The following ULK4 variants were observed in gnomAD, a reference collection of about 807,000 sequenced individuals.
ULK4 encodes the protein inactive serine/threonine-protein kinase ULK4.
A neutral mutation model predicts 160.6 loss-of-function variants in ULK4; 133 were observed. That is an observed-to-expected ratio of 0.83 (90% CI 0.72 to 0.96). The LOEUF (loss-of-function observed/expected upper bound fraction) is 0.96, where lower values mean the gene tolerates loss of function less well. Among genes scored for constraint, ULK4 ranks in the 40% least tolerant of loss-of-function variants. The pLI, the probability that ULK4 is intolerant of heterozygous loss-of-function variation, is 0.00. For missense variants in ULK4, 1,580 were observed against 1,499.5 expected (o/e 1.05, Z -0.89); for synonymous variants, 534 against 539.8 (o/e 0.99, Z 0.15).
chr3:41,913,416 G>A (rs542552058), intron 8 of ULK4, among the ~76,000 whole-genome samples: 3 of 152,046 alleles, frequency 2.0e-5, no homozygotes, highest in Non-Finnish European at 2.9e-5. Flanking sequence ...TAGTAGAGAC[G>A]GGATTTCACC....
chr3:41,623,263 T>C (rs1204341811), intron 30 of ULK4, among the ~76,000 whole-genome samples: 1 of 152,080 alleles, frequency 6.6e-6, no homozygotes, highest in Non-Finnish European at 1.5e-5. Context: ...TTGTCTATGA[T>C]AACACACTGA....
chr3:41,635,352 T>C (rs1421779855), intron 30 of ULK4, among the ~76,000 whole-genome samples: 1 of 152,164 alleles, frequency 6.6e-6, no homozygotes, highest in Non-Finnish European at 1.5e-5. Flanking sequence ...TGTGTTTGTG[T>C]GTGTACTTAA....
chr3:41,826,456 G>A (rs1045453201), intron 18 of ULK4, among the ~76,000 whole-genome samples: 1 of 151,838 alleles, frequency 6.6e-6, no homozygotes. Flanking sequence ...ATAAAGGGAT[G>A]GAGGAAGATC....
intron 35 of ULK4, among the ~76,000 whole-genome samples, chr3:41,328,892 CTTTA>C (rs988772670): frequency 3.3e-5 from 5 of 152,140 alleles, no homozygotes; most frequent in African/African-American, 9.7e-5. Context: ...TTCCTTATTC[CTTTA>C]TTTGATTTTT....
chr3:41,693,340 T>A (rs2036374787), intron 27 of ULK4, among the ~76,000 whole-genome samples: 1 of 152,162 alleles, frequency 6.6e-6, no homozygotes. Flanking sequence ...AACCAGTAAA[T>A]CGCAATTTAC....
chr3:41,672,186 T>C (rs2035564327), intron 29 of ULK4, among the ~76,000 whole-genome samples: 1 of 152,116 alleles, frequency 6.6e-6, no homozygotes, highest in African/African-American at 2.4e-5. Flanking sequence ...AAAATAGAAC[T>C]ACCACATGAT....
intron 4 of ULK4, among the ~76,000 whole-genome samples, chr3:41,932,558 G>C (rs1005130799): frequency 2.0e-5 from 3 of 152,208 alleles, no homozygotes; most frequent in Non-Finnish European, 4.4e-5. Context: ...ATTAATCGAA[G>C]TTATGCAAGT....
intron 32 of ULK4, among the ~76,000 whole-genome samples, chr3:41,491,935 T>C (rs1275646821): frequency 7.2e-6 from 1 of 139,276 alleles, no homozygotes. Context: ...CCTGTGTCCA[T>C]GTGTTCTCAT....
intron 32 of ULK4, among the ~76,000 whole-genome samples, chr3:41,553,448 C>A (rs191817942): frequency 6.6e-6 from 1 of 152,028 alleles, no homozygotes; most frequent in Non-Finnish European, 1.5e-5. Context: ...ATAGACACTT[C>A]TCAAAAGAAG....
intron 27 of ULK4, among the ~76,000 whole-genome samples, chr3:41,702,860 G>GT (rs568730846): frequency 0.012 from 1,636 of 140,050 alleles, 30 homozygotes; most frequent in African/African-American, 0.024. Flanking sequence ...TTTTGGTTTT[G>GT]TTTTTTTTTT....
chr3:41,754,948 A>G (rs1489990307), intron 21 of ULK4, among the ~76,000 whole-genome samples: 1 of 152,220 alleles, frequency 6.6e-6, no homozygotes, highest in Non-Finnish European at 1.5e-5. Flanking sequence ...CTTAACAGAT[A>G]TAAAGACAAT....
intron 31 of ULK4, among the ~76,000 whole-genome samples, chr3:41,567,248 T>C (rs958012205): frequency 6.6e-6 from 1 of 152,000 alleles, no homozygotes; most frequent in Admixed American, 6.6e-5. Context: ...CAAAGTCCCC[T>C]ATCCTCACAT....
At chr3:41,428,048 C>T (rs1314444701) in intron 34 of ULK4, among the ~76,000 whole-genome samples, 1 of 152,146 alleles carries the variant, frequency 6.6e-6, no homozygotes, top group Non-Finnish European at 1.5e-5. Context: ...AAAGTTTAAG[C>T]TGATAAGCAA....
intron 12 of ULK4, among the ~76,000 whole-genome samples, chr3:41,904,440 A>G (rs1698481349): frequency 1.3e-5 from 2 of 151,068 alleles, no homozygotes; most frequent in African/African-American, 2.4e-5. Flanking sequence ...AAAAATAAAT[A>G]AATAAATAAA....
intron 35 of ULK4, among the ~76,000 whole-genome samples, chr3:41,315,003 T>C (rs959891683): frequency 6.6e-5 from 10 of 152,200 alleles, no homozygotes; most frequent in African/African-American, 2.4e-4. Flanking sequence ...AACCAAGACA[T>C]TTAAAATTAC....
At chr3:41,776,623 T>C (rs1200163316) in intron 21 of ULK4, among the ~76,000 whole-genome samples, 1 of 144,144 alleles carries the variant, frequency 6.9e-6, no homozygotes, top group Non-Finnish European at 1.5e-5. Flanking sequence ...TGAAAGTTTT[T>C]AGCATGAAGG....
At chr3:41,500,563 G>A (rs2085163396) in intron 32 of ULK4, among the ~76,000 whole-genome samples, 1 of 152,130 alleles carries the variant, frequency 6.6e-6, no homozygotes, top group African/African-American at 2.4e-5. Flanking sequence ...CAAATCCCTA[G>A]CAGACTTCTG....
chr3:41,703,528 C>T (rs116465508), intron 27 of ULK4, among the ~76,000 whole-genome samples: 3,901 of 151,856 alleles, frequency 0.026, 121 homozygotes, highest in Non-Finnish European at 0.032. Context: ...TAAACCTAAT[C>T]TGAAATGTAT....
intron 19 of ULK4, among the ~76,000 whole-genome samples, chr3:41,801,358 T>C (rs76472744): frequency 0.043 from 6,509 of 152,086 alleles, 435 homozygotes; most frequent in African/African-American, 0.15. Flanking sequence ...CAGTGAACTG[T>C]AGGACGCCTT....
Sources: allele counts gnomAD v4.1 joint callset (sites outside exome capture counted in the v4.1 genomes callset), GRCh38; gene constraint gnomAD v4.1.1; transcripts MANE v1.5; gene names NCBI Gene and HGNC (gene_info 2026-07-23, HGNC 2026-07-21).